POU2F1: variants seen among roughly 807,000 people sequenced by gnomAD.
The protein encoded by POU2F1 is POU class 2 homeobox 1, also known as POU domain, class 2, transcription factor 1.
POU2F1 carries 16 observed loss-of-function variants against 84.9 expected under a neutral mutation model. That is an observed-to-expected ratio of 0.19 (90% CI 0.13 to 0.29). POU2F1 has a LOEUF of 0.29. Ranked by LOEUF, POU2F1 falls within the 10% of genes least tolerant of loss-of-function variation. The probability of loss-of-function intolerance (pLI) is 1.00; values close to 1 mark genes in which losing one functional copy is unlikely to be tolerated. For synonymous variants in POU2F1, 368 were observed against 368.3 expected (o/e 1.00, Z 0.01); for missense variants, 738 against 942.6 (o/e 0.78, Z 2.84).
rs180871700 is a variant in POU2F1, at chr1:167,407,635, C to T, written c.1556-4324C>T. Among the ~76,000 whole-genome samples, 67 of 152,188 alleles carry T rather than the reference C, an allele frequency of 4.4e-4. 1 individual carries two copies. In the East Asian group the frequency reaches 0.012, roughly 28 times the overall value. ...TTGATTTTTGACAGAGGTGCCAAGG[C>T]AATTCAATAGGGAAAGGACAGTCTT... On this transcript the variant is annotated intron_variant, in intron 13 of 15. Coordinates refer to ENST00000367866, the MANE Select transcript of POU2F1 (RefSeq NM_002697.4).
chr1:167,274,808 T>C (rs112152991), intron 1 of POU2F1, among the ~76,000 whole-genome samples: 5 of 152,310 alleles, frequency 3.3e-5, no homozygotes, highest in African/African-American at 1.2e-4. Context: ...AATCCAGTTC[T>C]TGCGAAAATG....
intron 8 of POU2F1, among the ~76,000 whole-genome samples, chr1:167,388,336 G>C (rs1648138005): frequency 6.6e-6 from 1 of 152,192 alleles, no homozygotes; most frequent in South Asian, 2.1e-4. Flanking sequence ...CGTAAGTCAT[G>C]TGGAAGAGTG....
At chr1:167,370,065 A>G in intron 3 of POU2F1, 96 bp from the exon 4 acceptor site, 4 of 1,037,110 alleles carry the variant, frequency 3.9e-6, no homozygotes, top group Non-Finnish European at 5.6e-6. Context: ...TCTCAGTTCT[A>G]GCTCGGTGAC....
At chr1:167,374,881 C>T (rs192594082) in intron 6 of POU2F1, among the ~76,000 whole-genome samples, 1 of 152,230 alleles carries the variant, frequency 6.6e-6, no homozygotes, top group East Asian at 1.9e-4. Flanking sequence ...TACTGGCTAA[C>T]ACGGTGAAAC....
At chr1:167,335,910 C>T (rs1398033995) in intron 2 of POU2F1, among the ~76,000 whole-genome samples, 1 of 152,112 alleles carries the variant, frequency 6.6e-6, no homozygotes, top group Non-Finnish European at 1.5e-5. Flanking sequence ...ATTTGAGCTG[C>T]ATGGCTCCAC....
At chr1:167,400,246 C>T (rs1317468787) in intron 12 of POU2F1, among the ~76,000 whole-genome samples, 1 of 151,614 alleles carries the variant, frequency 6.6e-6, no homozygotes, top group Non-Finnish European at 1.5e-5. Flanking sequence ...CCTCAGCCTC[C>T]CAAAGTCCCA....
chr1:167,295,533 A>G (rs1654235240), intron 1 of POU2F1, among the ~76,000 whole-genome samples: 1 of 152,216 alleles, frequency 6.6e-6, no homozygotes, highest in Non-Finnish European at 1.5e-5. Flanking sequence ...ACGTGGGAAG[A>G]GAGTGCCAGA....
chr1:167,302,864 ATGT>A (rs1039389121), intron 1 of POU2F1, among the ~76,000 whole-genome samples: 1 of 152,172 alleles, frequency 6.6e-6, no homozygotes, highest in Non-Finnish European at 1.5e-5. Context: ...TTATTGGTTT[ATGT>A]TGTTTGAATT....
At chr1:167,256,526 A>G (rs1571177108) in intron 1 of POU2F1, among the ~76,000 whole-genome samples, 2 of 152,264 alleles carry the variant, frequency 1.3e-5, no homozygotes, top group Admixed American at 6.5e-5. Flanking sequence ...GGATATTCAC[A>G]CCAAATAACT....
chr1:167,232,657 A>G (rs1205141726), intron 1 of POU2F1, among the ~76,000 whole-genome samples: 1 of 152,186 alleles, frequency 6.6e-6, no homozygotes, highest in African/African-American at 2.4e-5. Flanking sequence ...AGCCTGGCCA[A>G]TAGGGTGAAA....
chr1:167,247,764 G>C (rs983228206), intron 1 of POU2F1, among the ~76,000 whole-genome samples: 4 of 152,078 alleles, frequency 2.6e-5, no homozygotes, highest in Non-Finnish European at 5.9e-5. Context: ...GCTTTTCTAC[G>C]TGTTTTACAT....
intron 7 of POU2F1, among the ~76,000 whole-genome samples, chr1:167,378,402 A>AT (rs71572454): frequency 0.082 from 8,896 of 108,384 alleles, 611 homozygotes; most frequent in African/African-American, 0.15. Flanking sequence ...TGCCCAGCTA[A>AT]TTTTTTTTTT....
intron 1 of POU2F1, among the ~76,000 whole-genome samples, chr1:167,227,893 G>T (rs925045941): frequency 5.9e-5 from 9 of 152,190 alleles, no homozygotes; most frequent in African/African-American, 1.9e-4. Context: ...AGGTAATTTA[G>T]ATATAATCTT....
At chr1:167,294,172 CAAAAAAAAAAA>C (rs60846607) in intron 1 of POU2F1, among the ~76,000 whole-genome samples, 89 of 30,956 alleles carry the variant, frequency 2.9e-3, no homozygotes, top group Middle Eastern at 0.024. Flanking sequence ...TACTAAAATA[CAAAAAAAAAAA>C]AAAAAAAAAA....
intron 2 of POU2F1, among the ~76,000 whole-genome samples, chr1:167,341,618 T>C (rs1403901493): frequency 1.3e-5 from 2 of 152,138 alleles, no homozygotes; most frequent in Non-Finnish European, 2.9e-5. Flanking sequence ...GGAGTTATGG[T>C]AAGCACTTTC....
At chr1:167,358,117 C>CTTTTT (rs1659091785) in intron 2 of POU2F1, among the ~76,000 whole-genome samples, 1 of 123,892 alleles carries the variant, frequency 8.1e-6, no homozygotes. Flanking sequence ...GATCTTTTTT[C>CTTTTT]TTTTCTTTTT....
intron 2 of POU2F1, among the ~76,000 whole-genome samples, chr1:167,341,610 A>T (rs1467854210): frequency 1.3e-5 from 2 of 152,064 alleles, no homozygotes; most frequent in African/African-American, 2.4e-5. Context: ...CAGGTGCAGG[A>T]GTTATGGTAA....
At chr1:167,314,259 A>G (rs988597633) in intron 1 of POU2F1, among the ~76,000 whole-genome samples, 4 of 152,084 alleles carry the variant, frequency 2.6e-5, no homozygotes, top group African/African-American at 7.2e-5. Flanking sequence ...AAGAGGCTGT[A>G]TGGATGGCAA....
chr1:167,347,980 A>C (rs1257188573), intron 2 of POU2F1, among the ~76,000 whole-genome samples: 1 of 152,112 alleles, frequency 6.6e-6, no homozygotes, highest in African/African-American at 2.4e-5. Flanking sequence ...GGCTCTTGTG[A>C]ATAATGCTGC....
Sources: allele counts gnomAD v4.1 joint callset (sites outside exome capture counted in the v4.1 genomes callset), GRCh38; gene constraint gnomAD v4.1.1; transcripts MANE v1.5; gene names NCBI Gene and HGNC (gene_info 2026-07-23, HGNC 2026-07-21).